Variants in FAM167A observed in about 807,000 individuals in gnomAD.
FAM167A encodes the protein protein FAM167A.
In FAM167A, 23 loss-of-function variants were observed where a neutral mutation model predicts 14.9. That is an observed-to-expected ratio of 1.55 (90% CI 1.11 to 2.19). The LOEUF (loss-of-function observed/expected upper bound fraction) is 2.19. Ranked by LOEUF, FAM167A falls within the 30% of genes most tolerant of loss-of-function variation. The probability of loss-of-function intolerance (pLI) is 0.00; values close to 1 mark genes in which losing one functional copy is unlikely to be tolerated. For synonymous variants in FAM167A, 174 were observed against 117.7 expected (o/e 1.48, Z -3.10); for missense variants, 401 against 281.5 (o/e 1.42, Z -3.04).
chr8:11,457,957 T>C (rs1807399592), intron 1 of FAM167A, among the ~76,000 whole-genome samples: 1 of 152,168 alleles, frequency 6.6e-6, no homozygotes, highest in South Asian at 2.1e-4. Context: ...GCTGCACCTT[T>C]TGTGTCCCGA....
Position 11,428,440 on chromosome 8 carries a change from A to G in FAM167A, c.382-3804T>C, listed in dbSNP as rs144372501. On this transcript the variant is annotated intron_variant, in intron 2 of 2. Transcript: ENST00000284486. ...TGCCTCGCACGCCCATGCTGTGCACATGCATTCAATTCTGCGTAAGGGTGA... is the reference window on the plus strand; with the variant it reads ...TGCCTCGCACGCCCATGCTGTGCACGTGCATTCAATTCTGCGTAAGGGTGA... 2.1e-3 allele frequency among the ~76,000 whole-genome samples: 319 copies of G among 152,340 alleles called. 2 individuals are homozygous for G. The highest frequency in any genetic ancestry group is 7.2e-3 in the African/African-American group (298 of 41,582).
chr8:11,431,291 T>C (rs546597343), intron 2 of FAM167A, among the ~76,000 whole-genome samples: 2 of 152,244 alleles, frequency 1.3e-5, no homozygotes, highest in Non-Finnish European at 2.9e-5. Context: ...AGCCAGACAC[T>C]AAAGGCCAAA....
Position 11,424,334 on chromosome 8 carries a change from GCCCTCCGCTCCAGC to G in FAM167A, c.*25_*38del. 1 of 1,607,624 alleles carries G rather than the reference GCCCTCCGCTCCAGC, an allele frequency of 6.2e-7. No homozygotes were observed. Among genetic ancestry groups the G allele is most frequent in the Non-Finnish European group, 8.5e-7 (1 of 1,175,048 alleles). On this transcript the variant is annotated 3_prime_UTR_variant, in exon 3 of 3. Transcript: ENST00000284486. ...TTCCTCTGACACCCCTCCAGCCCAA[GCCCTCCGCTCCAGC>G]CCCTCCGCCCAGTCTGAGGGCTCCT...
At chr8:11,446,639 T>C (rs1416010811) in intron 1 of FAM167A, 1 of 152,172 alleles carries the variant, frequency 6.6e-6, no homozygotes, top group African/African-American at 2.4e-5. Flanking sequence ...ATGGGAGTGA[T>C]AAATACCAAC....
intron 2 of FAM167A, among the ~76,000 whole-genome samples, chr8:11,435,540 C>CTG (rs1805945953): frequency 6.6e-6 from 1 of 152,210 alleles, no homozygotes; most frequent in African/African-American, 2.4e-5. Flanking sequence ...TACCCAGTAC[C>CTG]TGTCTCCACG....
At chr8:11,430,093 GTC>G (rs1314741129) in intron 2 of FAM167A, among the ~76,000 whole-genome samples, 1 of 152,170 alleles carries the variant, frequency 6.6e-6, no homozygotes, top group East Asian at 1.9e-4. Flanking sequence ...GTTTCATGCT[GTC>G]TCTGGCAAAG....
chr8:11,468,980 A>T (rs1432468364), upstream of FAM167A, among the ~76,000 whole-genome samples: 1 of 152,206 alleles, frequency 6.6e-6, no homozygotes, highest in Non-Finnish European at 1.5e-5. Flanking sequence ...TCTTGGTTGG[A>T]GTAGCCTCAA....
At chr8:11,460,132 T>C (rs562477008) in intron 1 of FAM167A, among the ~76,000 whole-genome samples, 2 of 152,264 alleles carry the variant, frequency 1.3e-5, no homozygotes, top group South Asian at 4.1e-4. Flanking sequence ...AGAGGATGGG[T>C]ACATGGCATG....
Position 11,455,317 on chromosome 8 carries a change from G to C in FAM167A, c.-397-10509C>G, listed in dbSNP as rs537390836. Among the ~76,000 whole-genome samples, 227 of 148,906 alleles carry C rather than the reference G, an allele frequency of 1.5e-3. 1 individual carries two copies. The highest frequency in any genetic ancestry group is 3.6e-3 in the African/African-American group (147 of 40,404). ...GGTGGTTACCCTCCTGGGTGTGTGT[G>C]AGTGTGGGGGGTGGTTGCCTTGCTG... On this transcript the variant is annotated intron_variant, in intron 1 of 2. Transcript: ENST00000284486.
intron 1 of FAM167A, among the ~76,000 whole-genome samples, chr8:11,453,918 C>T (rs928137114): frequency 2.0e-5 from 3 of 152,218 alleles, no homozygotes; most frequent in Non-Finnish European, 4.4e-5. Flanking sequence ...GCCCGGGGCT[C>T]CTCAGTGACA....
chr8:11,431,513 AATGGT>A (rs1805588471), intron 2 of FAM167A, among the ~76,000 whole-genome samples: 1 of 152,238 alleles, frequency 6.6e-6, no homozygotes, highest in Admixed American at 6.5e-5. Flanking sequence ...GTACATATAA[AATGGT>A]ACATTTTATA....
chr8:11,445,530 C>T (rs556080069), intron 1 of FAM167A: 17 of 985,546 alleles, frequency 1.7e-5, no homozygotes, highest in African/African-American at 1.6e-4. Context: ...TGTTCTAGAA[C>T]GAGGCTTCTC....
chr8:11,438,635 T>C (rs1290230032), intron 2 of FAM167A: 8 of 407,962 alleles, frequency 2.0e-5, no homozygotes, highest in Middle Eastern at 9.5e-4. Context: ...CACTCAGAAA[T>C]AAAGATCATC....
chr8:11,456,679 G>A (rs1347917656), intron 1 of FAM167A, among the ~76,000 whole-genome samples: 4 of 151,504 alleles, frequency 2.6e-5, no homozygotes, highest in African/African-American at 9.7e-5. Flanking sequence ...GGCTAGGGCT[G>A]AGTTAGTGAC....
intron 1 of FAM167A, among the ~76,000 whole-genome samples, chr8:11,454,713 A>G (rs1807159828): frequency 6.6e-6 from 1 of 152,208 alleles, no homozygotes; most frequent in Non-Finnish European, 1.5e-5. Flanking sequence ...ACATGGCTCC[A>G]CAGTCGGCCT....
chr8:11,472,610 C>A (rs369170780), intron 1 of FAM167A, among the ~76,000 whole-genome samples: 1 of 151,892 alleles, frequency 6.6e-6, no homozygotes, highest in African/African-American at 2.4e-5. Context: ...GACCGGAAAC[C>A]CTGATGGGCA....
chr8:11,455,153 TGAC>T, intron 1 of FAM167A, among the ~76,000 whole-genome samples: 1 of 144,390 alleles, frequency 6.9e-6, no homozygotes, highest in African/African-American at 2.6e-5. Flanking sequence ...TGTGTGTGTG[TGAC>T]TGTGGTGGGG....
chr8:11,444,015 G>A lies in FAM167A; in HGVS notation c.381+16C>T. On this transcript the variant is annotated intron_variant, in intron 2 of 2. Coordinates refer to ENST00000284486, the MANE Select transcript of FAM167A (RefSeq NM_053279.3). ...CATCTCCTCTTTTCTGGGGATTCTT[G>A]GGGGCAGCCACTCACCAGTTCCTTC... is the stretch of plus-strand genomic sequence containing the variant. The A allele has an allele frequency of 5.0e-6, 8 of 1,597,956 alleles. No individual in the cohort carries two copies. Among genetic ancestry groups the A allele is most frequent in the Non-Finnish European group, 6.8e-6 (8 of 1,171,368 alleles).
upstream of FAM167A, among the ~76,000 whole-genome samples, chr8:11,469,703 C>CAA (rs113586541): frequency 1.1e-4 from 16 of 146,118 alleles, 1 homozygote; most frequent in South Asian, 1.7e-3. Context: ...CCCACTTCTA[C>CAA]AAAAAAAAAA....
Sources: gnomAD v4.1 joint callset for allele counts (sites outside exome capture counted in the v4.1 genomes callset) on GRCh38, gnomAD v4.1.1 for gene constraint, MANE v1.5 for transcripts, NCBI Gene and HGNC (gene_info 2026-07-23, HGNC 2026-07-21) for gene names.